NGEF: variants seen among roughly 807,000 people sequenced by gnomAD.
The protein encoded by NGEF is ephexin-1.
A neutral mutation model predicts 80.9 loss-of-function variants in NGEF; 31 were observed. The ratio of observed to expected loss-of-function variants is 0.38; its 90% confidence interval spans 0.29 to 0.52. NGEF has a LOEUF of 0.52. NGEF is among the 20% of genes least tolerant of loss of function. The probability of loss-of-function intolerance (pLI) is 0.84; values close to 1 mark genes in which losing one functional copy is unlikely to be tolerated. For missense variants in NGEF, 709 were observed against 926.2 expected (o/e 0.77, Z 3.04); for synonymous variants, 371 against 370.2 (o/e 1.00, Z -0.03).
intron 5 of NGEF, among the ~76,000 whole-genome samples, chr2:232,915,812 T>G (rs1354548276): frequency 6.6e-5 from 10 of 152,198 alleles, no homozygotes; most frequent in Non-Finnish European, 1.5e-4. Context: ...TGCCTCAGCC[T>G]CCCAAGTAGC....
At chr2:232,953,100 G>A (rs977108176) in intron 3 of NGEF, among the ~76,000 whole-genome samples, 1 of 151,048 alleles carries the variant, frequency 6.6e-6, no homozygotes, top group Non-Finnish European at 1.5e-5. Context: ...TCAGATGTTC[G>A]AGACCAGCCT....
At chr2:233,006,598 A>ACTAATAAAT (rs1695088508) in intron 1 of NGEF, among the ~76,000 whole-genome samples, 1 of 152,230 alleles carries the variant, frequency 6.6e-6, no homozygotes, top group Non-Finnish European at 1.5e-5. Context: ...TCATAAATTC[A>ACTAATAAAT]CTAATAAATG....
chr2:232,994,369 CAAAA>C (rs10591943), intron 1 of NGEF, among the ~76,000 whole-genome samples: 73,283 of 128,970 alleles, frequency 0.57, 21,004 homozygotes, highest in East Asian at 0.71. Context: ...GACTTTGTCT[CAAAA>C]AAAAAAAAAA....
At chr2:232,932,446 C>T (rs969120606) in intron 3 of NGEF, among the ~76,000 whole-genome samples, 5 of 151,982 alleles carry the variant, frequency 3.3e-5, no homozygotes, top group East Asian at 1.9e-4. Flanking sequence ...ATTACAGGCA[C>T]GAGTCACCAG....
intron 5 of NGEF, among the ~76,000 whole-genome samples, chr2:232,908,861 C>G (rs1482229736): frequency 6.6e-6 from 1 of 152,012 alleles, no homozygotes; most frequent in African/African-American, 2.4e-5. Flanking sequence ...TTATTGACAG[C>G]TTTCTAATTG....
chr2:232,932,901 C>T (rs1448739465), intron 3 of NGEF, among the ~76,000 whole-genome samples: 17 of 151,634 alleles, frequency 1.1e-4, no homozygotes, highest in Non-Finnish European at 1.9e-4. Context: ...GTCAGGAGTT[C>T]GAGACCAGCC....
At chr2:232,908,391 T>C (rs998893624) in intron 5 of NGEF, among the ~76,000 whole-genome samples, 4 of 152,058 alleles carry the variant, frequency 2.6e-5, no homozygotes, top group African/African-American at 4.8e-5. Context: ...TGTTTGAAAG[T>C]GCTCATTTAG....
intron 3 of NGEF, among the ~76,000 whole-genome samples, chr2:232,939,507 A>G: frequency 6.6e-6 from 1 of 152,234 alleles, no homozygotes; most frequent in East Asian, 1.9e-4. Flanking sequence ...GACTTGAAGA[A>G]GTAGCATGTA....
chr2:232,968,093 C>CTTTTTTT (rs1274944227), intron 3 of NGEF, among the ~76,000 whole-genome samples: 2 of 125,782 alleles, frequency 1.6e-5, no homozygotes, highest in African/African-American at 3.4e-5. Flanking sequence ...ACAGACCTGG[C>CTTTTTTT]TTTTTTTTTT....
chr2:232,940,735 G>A (rs12617953), intron 3 of NGEF, among the ~76,000 whole-genome samples: 5,400 of 152,240 alleles, frequency 0.035, 265 homozygotes, highest in East Asian at 0.25. Flanking sequence ...CTGGATGGTA[G>A]TATGCTCTTA....
intron 5 of NGEF, among the ~76,000 whole-genome samples, chr2:232,906,891 A>G (rs370894931): frequency 2.0e-5 from 3 of 149,714 alleles, no homozygotes; most frequent in African/African-American, 7.5e-5. Context: ...CCCCCAACCC[A>G]GTGCTCTCTG....
chr2:232,938,442 A>G (rs1002318026), intron 3 of NGEF, among the ~76,000 whole-genome samples: 1 of 152,180 alleles, frequency 6.6e-6, no homozygotes, highest in Non-Finnish European at 1.5e-5. Context: ...GAAACTATGG[A>G]AAATGAGGGA....
intron 5 of NGEF, among the ~76,000 whole-genome samples, chr2:232,905,383 C>T (rs372613866): frequency 5.9e-5 from 9 of 152,352 alleles, no homozygotes; most frequent in East Asian, 3.9e-4. Context: ...GGATTGCAGA[C>T]GGAGTCTCGT....
chr2:232,942,379 C>G (rs1334160939), intron 3 of NGEF, among the ~76,000 whole-genome samples: 1 of 152,234 alleles, frequency 6.6e-6, no homozygotes, highest in Admixed American at 6.5e-5. Flanking sequence ...TTTCTACGTA[C>G]TTGCTGAATC....
chr2:232,883,521 C>CT, intron 11 of NGEF, 55 bp from the exon 12 acceptor site: 1 of 1,453,648 alleles, frequency 6.9e-7, no homozygotes, highest in Non-Finnish European at 9.1e-7. Flanking sequence ...CTGTGGGGGT[C>CT]CCAGGAGAGC....
chr2:232,884,669 C>T (rs578111744), intron 10 of NGEF, among the ~76,000 whole-genome samples: 117 of 152,292 alleles, frequency 7.7e-4, no homozygotes, highest in Admixed American at 1.5e-3. Context: ...GCCTGGCAGA[C>T]GATGCAACTC....
At chr2:232,997,840 T>C (rs1445011098) in intron 1 of NGEF, among the ~76,000 whole-genome samples, 1 of 152,168 alleles carries the variant, frequency 6.6e-6, no homozygotes, top group South Asian at 2.1e-4. Flanking sequence ...CTGTGCTCTG[T>C]ATGTTGAATA....
In NGEF at chr2:232,915,649, C is replaced by T. The variant is rs575074046; in HGVS notation, c.828+4635G>A. Among the ~76,000 whole-genome samples the T allele has an allele frequency of 3.4e-4, 52 of 152,178 alleles. 1 individual carries two copies. The highest frequency in any genetic ancestry group is 8.3e-4 in the South Asian group (4 of 4,818). ...CCCACTCCTGTAGGATAGTGGAGTG[C>T]GCATGGCAACGTCTCCTCTTGTTTC... is the stretch of plus-strand genomic sequence containing the variant. On this transcript the variant is annotated intron_variant, in intron 5 of 14. Coordinates refer to ENST00000264051, the MANE Select transcript of NGEF (RefSeq NM_019850.3).
intron 1 of NGEF, among the ~76,000 whole-genome samples, chr2:232,979,705 C>T (rs1694370344): frequency 6.6e-6 from 1 of 152,160 alleles, no homozygotes; most frequent in African/African-American, 2.4e-5. Context: ...TTCATTCACA[C>T]CCCCTGAGCA....
Sources: gnomAD v4.1 joint callset for allele counts (sites outside exome capture counted in the v4.1 genomes callset) on GRCh38, gnomAD v4.1.1 for gene constraint, MANE v1.5 for transcripts, NCBI Gene and HGNC (gene_info 2026-07-23, HGNC 2026-07-21) for gene names.